Variants in MCTP1 observed in about 807,000 individuals in gnomAD.
MCTP1 encodes multiple C2 and transmembrane domain-containing protein 1.
MCTP1 carries 69 observed loss-of-function variants against 120.6 expected under a neutral mutation model. The observed-to-expected ratio is 0.57, with a 90% CI of 0.47 to 0.70. The LOEUF (loss-of-function observed/expected upper bound fraction) is 0.70. Among genes scored for constraint, MCTP1 ranks in the 30% least tolerant of loss-of-function variants. The pLI, the probability that MCTP1 is intolerant of heterozygous loss-of-function variation, is 0.00. For synonymous variants in MCTP1, 529 were observed against 493.1 expected (o/e 1.07, Z -0.96); for missense variants, 1,203 against 1,248.8 (o/e 0.96, Z 0.55).
At chr5:94,917,726 A>C (rs1810448230) in intron 8 of MCTP1, among the ~76,000 whole-genome samples, 170 bp downstream of exon 8, 1 of 152,248 alleles carries the variant, frequency 6.6e-6, no homozygotes, top group East Asian at 1.9e-4. Context: ...CAATGTAAAG[A>C]AAGTGTTAGT....
chr5:94,870,599 G>A, intron 15 of MCTP1, 108 bp from the exon 16 acceptor site: 1 of 837,068 alleles, frequency 1.2e-6, no homozygotes. Context: ...AGTCCTGGCT[G>A]CTGTGCTCAT....
Position 95,283,864 on chromosome 5 carries a change from T to G in MCTP1, c.712A>C (p.Ser238Arg). The change falls in exon 1 of 23, where the codon AGC becomes CGC. Residue 238 changes from serine (S) to arginine (R), a missense_variant. Coordinates refer to ENST00000515393, the MANE Select transcript of MCTP1 (RefSeq NM_024717.7). ...GCGCCACCGGCACTCACCTGGCTGC[T>G]GCCGTGCTCCTCGCCCGTCTCCGGG... is the stretch of plus-strand genomic sequence containing the variant. ...RAPETGEEHG[S>R]SQKIINTAGT... 1.5e-6 allele frequency: 2 copies of G among 1,371,946 alleles called. No individual in the cohort carries two copies. Among genetic ancestry groups the G allele is most frequent in the Non-Finnish European group, 1.9e-6 (2 of 1,071,394 alleles). 85.0% of individuals were successfully genotyped at this position (1,371,946 alleles called of 1,614,324 possible).
At position 95,216,487 on chromosome 5, in the gene MCTP1, CTG is replaced by C. The variant is rs201117905; in HGVS notation, c.720+67367_720+67368del. 7.3e-3 allele frequency among the ~76,000 whole-genome samples: 1,110 copies of C among 152,310 alleles called. 12 individuals are homozygous for C. The highest frequency in any genetic ancestry group is 0.03 in the South Asian group (146 of 4,820). On this transcript the variant is annotated intron_variant, in intron 1 of 22. Transcript: ENST00000515393. ...TTCTCTTGGCATTTATTCCTCTACA[CTG>C]TGTTCTATCAGCATTTTTCCAAGCT...
At chr5:95,092,212 A>C (rs1429306553) in intron 1 of MCTP1, among the ~76,000 whole-genome samples, 1 of 152,184 alleles carries the variant, frequency 6.6e-6, no homozygotes, top group East Asian at 1.9e-4. Context: ...GCCTATAATA[A>C]AATGCAAGAG....
intron 1 of MCTP1, among the ~76,000 whole-genome samples, chr5:95,233,866 G>A (rs1201403048): frequency 2.0e-5 from 3 of 151,900 alleles, no homozygotes; most frequent in Admixed American, 6.6e-5. Flanking sequence ...TCCAACGTAA[G>A]CAGAAAAAAG....
Position 95,284,010 on chromosome 5 carries a change from G to A in MCTP1, c.566C>T (p.Pro189Leu), listed in dbSNP as rs1760543988. The A allele has an allele frequency of 6.7e-7, 1 of 1,481,996 alleles. No homozygotes were observed. 91.8% of individuals were successfully genotyped at this position (1,481,996 alleles called of 1,614,324 possible). ...CTTCTGGTGGCACAAGTGCGCCCCGGGGCCCTGACGCCGTGCACCCTCATC... is the reference window on the plus strand; with the variant it reads ...CTTCTGGTGGCACAAGTGCGCCCCGAGGCCCTGACGCCGTGCACCCTCATC... ...ARDEGARRQG[P>L]GAHLCHQKSS... The change falls in exon 1 of 23, where the codon CCC becomes CTC. Residue 189 changes from proline to leucine, a missense_variant. Around this residue, in one of 2 missense-constraint regions of MCTP1, gnomAD observed 463 missense variants for 377.8 expected, o/e 1.23. Transcript: ENST00000515393. This position sits in a 1 kb window ranked among gnomAD's most constrained non-coding sequence, Gnocchi z 5.2.
intron 17 of MCTP1, among the ~76,000 whole-genome samples, chr5:94,815,098 T>G (rs1187465285): frequency 6.6e-6 from 1 of 152,228 alleles, no homozygotes; most frequent in Non-Finnish European, 1.5e-5. Context: ...AGTGCCTCCC[T>G]TAGGTTGGTT....
intron 19 of MCTP1, among the ~76,000 whole-genome samples, chr5:94,715,386 A>C (rs1225876932): frequency 1.3e-5 from 2 of 148,178 alleles, no homozygotes; most frequent in Non-Finnish European, 3.0e-5. Context: ...AAAAAAAAAA[A>C]AAACACCACC....
chr5:94,952,171 C>CAAAAAAAAAAAAAAAAAAAAAAAAA (rs57358026), intron 3 of MCTP1, among the ~76,000 whole-genome samples: 1 of 87,890 alleles, frequency 1.1e-5, no homozygotes, highest in African/African-American at 4.5e-5. Context: ...GACTTTGTCG[C>CAAAAAAAAAAAAAAAAAAAAAAAAA]AAAAAAAAAA....
chr5:94,930,255 T>C (rs922345307), intron 6 of MCTP1, among the ~76,000 whole-genome samples: 1 of 148,674 alleles, frequency 6.7e-6, no homozygotes, highest in African/African-American at 2.5e-5. Flanking sequence ...TTAATATAAT[T>C]TTTAAAGAAG....
chr5:94,786,149 A>C (rs1724820548), intron 18 of MCTP1, among the ~76,000 whole-genome samples: 1 of 152,150 alleles, frequency 6.6e-6, no homozygotes, highest in Admixed American at 6.5e-5. Flanking sequence ...GATTCACTTA[A>C]ATTTACAGCA....
chr5:94,712,455 G>T (rs887052292), intron 20 of MCTP1, among the ~76,000 whole-genome samples: 1 of 151,902 alleles, frequency 6.6e-6, no homozygotes, highest in Non-Finnish European at 1.5e-5. Context: ...CCCAATAAAG[G>T]ATGATTGCTA....
chr5:95,112,600 C>A (rs1371571964), intron 1 of MCTP1, among the ~76,000 whole-genome samples: 1 of 152,096 alleles, frequency 6.6e-6, no homozygotes, highest in Non-Finnish European at 1.5e-5. Context: ...AATCTGAGGA[C>A]AAAATATCAG....
chr5:94,826,956 T>A (rs993555965), intron 17 of MCTP1, among the ~76,000 whole-genome samples: 2 of 152,096 alleles, frequency 1.3e-5, no homozygotes, highest in Non-Finnish European at 2.9e-5. Flanking sequence ...AATTGGGGCA[T>A]TTAGCCTGTT....
chr5:94,958,610 T>C (rs1265969380), intron 2 of MCTP1, among the ~76,000 whole-genome samples: 1 of 152,004 alleles, frequency 6.6e-6, no homozygotes, highest in African/African-American at 2.4e-5. Context: ...CCCACAGAAA[T>C]AGAAACTACC....
In MCTP1 at chr5:94,894,721, T is replaced by A; in HGVS notation, c.1767A>T (p.Thr589=). ...TGACAGACAGGTCAGAGATGCTGACTGTGGCTGATGCTGTCAGAGTGACCA... is the reference window on the plus strand; with the variant it reads ...TGACAGACAGGTCAGAGATGCTGACAGTGGCTGATGCTGTCAGAGTGACCA... The part of the protein sequence containing the change: ...VLLVTLTASA[T]VSISDLSVNS... The change falls in exon 11 of 23, where the codon ACA becomes ACT. Residue 589 remains threonine (T), a synonymous_variant. Coordinates refer to ENST00000515393, the MANE Select transcript of MCTP1 (RefSeq NM_024717.7). 1 of 1,613,938 alleles carries A rather than the reference T, an allele frequency of 6.2e-7. No individual in the cohort carries two copies. The highest frequency in any genetic ancestry group is 8.5e-7 in the Non-Finnish European group (1 of 1,179,816).
chr5:95,252,287 A>G (rs761204166), intron 1 of MCTP1, among the ~76,000 whole-genome samples: 2 of 152,134 alleles, frequency 1.3e-5, no homozygotes, highest in African/African-American at 2.4e-5. Flanking sequence ...TAATTTAGGA[A>G]CTAAGAATCC....
At chr5:94,970,718 T>C (rs1174665025) in intron 2 of MCTP1, among the ~76,000 whole-genome samples, 1 of 152,098 alleles carries the variant, frequency 6.6e-6, no homozygotes, top group African/African-American at 2.4e-5. Flanking sequence ...TATGCTACCA[T>C]GTTTATATAG....
At chr5:94,900,042 C>T (rs187213500) in intron 10 of MCTP1, among the ~76,000 whole-genome samples, 121 of 152,286 alleles carry the variant, frequency 7.9e-4, no homozygotes, top group African/African-American at 1.3e-3. Flanking sequence ...GCACTATTTA[C>T]GAGATATCCT....
Sources: gnomAD v4.1 joint callset for allele counts (sites outside exome capture counted in the v4.1 genomes callset) on GRCh38, gnomAD v4.1.1 for gene constraint, gnomAD v4.1.1 regional missense constraint, Gnocchi (gnomAD v3.1) non-coding constraint, MANE v1.5 for transcripts, NCBI Gene and HGNC (gene_info 2026-07-23, HGNC 2026-07-21) for gene names.